The following NTRK1 variants were observed in gnomAD, a reference collection of about 807,000 sequenced individuals.
NTRK1 encodes the protein high affinity nerve growth factor receptor.
In NTRK1, 62 loss-of-function variants were observed where a neutral mutation model predicts 86.8. That is an observed-to-expected ratio of 0.71 (90% CI 0.58 to 0.88). The LOEUF (loss-of-function observed/expected upper bound fraction) is 0.88, where lower values mean the gene tolerates loss of function less well. NTRK1 is among the 40% of genes least tolerant of loss of function. The pLI is 0.00. For missense variants in NTRK1, 967 were observed against 1,078.4 expected, an observed-to-expected ratio of 0.90 and a Z score of 1.45; for synonymous variants, 469 against 456.6, an observed-to-expected ratio of 1.03 and a Z score of -0.35.
At chr1:156,865,090 T>A (rs1212647055) in intron 3 of NTRK1, 3 of 470,286 alleles carry the variant, frequency 6.4e-6, no homozygotes, top group African/African-American at 5.9e-5. Context: ...TACACACCAG[T>A]GCAAAGGGAG....
chr1:156,876,033 G>C, intron 12 of NTRK1, 47 bp from the exon 13 acceptor site: 1 of 1,613,954 alleles, frequency 6.2e-7, no homozygotes, highest in Non-Finnish European at 8.5e-7. Flanking sequence ...TACAACCCCA[G>C]CCCTCCCAAG....
Position 156,875,523 on chromosome 1 carries a change from C to T in NTRK1, c.1358C>T (p.Pro453Leu), listed in dbSNP as rs202108805. Residue 453 changes from proline to leucine, a missense_variant, in exon 12 of 17, where the codon CCG (proline) becomes CTG (leucine). Physicochemically the swap from Pro to Leu is moderately conservative, Grantham distance 98 (BLOSUM62 -3). Coordinates refer to ENST00000524377, the MANE Select transcript of NTRK1 (RefSeq NM_002529.4). Reference protein sequence around the residue: ...GRRNKFGINRPAVLAPEDGLA... With the variant: ...GRRNKFGINRLAVLAPEDGLA... ...TGCGGCTGTGTCTCCTCTCTAGGCC[C>T]GGCTGTGCTGGCTCCAGAGGATGGG... 58 of 1,613,784 alleles carry T rather than the reference C, an allele frequency of 3.6e-5. No individual in the cohort carries two copies. Among genetic ancestry groups the T allele is most frequent in the East Asian group, 3.6e-4 (16 of 44,870 alleles).
chr1:156,841,771 A>G, intron 1 of NTRK1: 1 of 1,614,076 alleles, frequency 6.2e-7, no homozygotes, highest in Non-Finnish European at 8.5e-7. Context: ...TCTGTCTCAT[A>G]CACGTCCCGA....
intron 7 of NTRK1, 54 bp from the exon 8 acceptor site, chr1:156,873,579 A>T (rs2102904436): frequency 6.7e-7 from 1 of 1,500,870 alleles, no homozygotes; most frequent in Non-Finnish European, 9.2e-7. Context: ...GGTGTGTGCC[A>T]GGCTCCCTCC....
intron 1 of NTRK1, among the ~76,000 whole-genome samples, chr1:156,835,228 G>A (rs919377858): frequency 1.3e-5 from 2 of 152,164 alleles, no homozygotes; most frequent in Non-Finnish European, 2.9e-5. Context: ...TGGAAGACAC[G>A]GTAGGGCTAC....
intron 1 of NTRK1, among the ~76,000 whole-genome samples, chr1:156,838,695 C>T (rs749932106): frequency 8.5e-5 from 13 of 152,256 alleles, no homozygotes; most frequent in Non-Finnish European, 1.5e-4. Context: ...ATTCTTCCCC[C>T]AGAAGTACTT....
chr1:156,849,502 G>GGGC, intron 2 of NTRK1: 2 of 934,048 alleles, frequency 2.1e-6, no homozygotes, highest in Non-Finnish European at 3.4e-6. Context: ...GGAGGTGGGG[G>GGGC]CAGGGGGTGG....
intron 8 of NTRK1, 138 bp from the exon 9 acceptor site, chr1:156,874,245 C>A (rs553139306): frequency 2.2e-6 from 3 of 1,341,164 alleles, no homozygotes; most frequent in Non-Finnish European, 3.2e-6. Context: ...TCCTTGAGGC[C>A]CAGCAGCCCA....
At chr1:156,841,472 C>A (rs767188615) in intron 1 of NTRK1, 2 of 1,614,018 alleles carry the variant, frequency 1.2e-6, no homozygotes, top group Non-Finnish European at 1.7e-6. Flanking sequence ...ATTGGACAGG[C>A]CCTGGTAGGG....
rs56185968 is a variant in NTRK1 at position 156,875,700 on chromosome 1, AGTGTGTGTGTGT to A, written c.1501+59_1501+70del. 25,250 of 1,386,860 alleles carry A rather than the reference AGTGTGTGTGTGT, an allele frequency of 0.018. 66 individuals are homozygous for A. The highest frequency in any genetic ancestry group is 0.022 in the Non-Finnish European group (22,335 of 1,006,870). 85.9% of individuals were successfully genotyped at this position (1,386,860 alleles called of 1,614,324 possible). A position where few individuals can be genotyped will look rare whatever the true frequency, so the allele number is the denominator to read the frequency against. ...CTATGCTGGGTCAAGGGCAGGGACG[AGTGTGTGTGTGT>A]GTGTGTGTGTGTGTGTGTGTGTGTA... On this transcript the variant is annotated intron_variant, in intron 12 of 16. Coordinates refer to ENST00000524377, the MANE Select transcript of NTRK1 (RefSeq NM_002529.4).
intron 1 of NTRK1, chr1:156,841,437 C>T (rs770233344): frequency 6.2e-7 from 1 of 1,613,986 alleles, no homozygotes; most frequent in South Asian, 1.1e-5. Flanking sequence ...ACCCCGCCAT[C>T]CATGACGAAC....
chr1:156,816,190 G>A, intron 1 of NTRK1: 7 of 1,487,660 alleles, frequency 4.7e-6, no homozygotes, highest in Non-Finnish European at 6.3e-6. Context: ...GATCTGGAGG[G>A]CTGGGACAGT....
chr1:156,855,372 T>G (rs1655374566), intron 2 of NTRK1, among the ~76,000 whole-genome samples: 2 of 152,110 alleles, frequency 1.3e-5, no homozygotes, highest in Non-Finnish European at 2.9e-5. Context: ...CCCAGCTAAT[T>G]TTTTGCATTT....
chr1:156,862,817 G>A (rs1457020609), intron 1 of NTRK1, among the ~76,000 whole-genome samples: 3 of 152,218 alleles, frequency 2.0e-5, no homozygotes, highest in Non-Finnish European at 1.5e-5. Context: ...GCAGGGGCTG[G>A]GGGGTGGGTA....
intron 2 of NTRK1, chr1:156,846,372 C>A (rs1029942237): frequency 3.5e-5 from 27 of 762,210 alleles, no homozygotes; most frequent in Non-Finnish European, 5.5e-5. Context: ...AAATGCTCCC[C>A]CTTCTTTCTA....
intron 2 of NTRK1, chr1:156,852,332 C>G: frequency 1.2e-6 from 1 of 812,804 alleles, no homozygotes; most frequent in South Asian, 2.0e-5. Flanking sequence ...CACTGGTTGC[C>G]GACTCTGTTC....
At position 156,860,917 on chromosome 1, in the gene NTRK1, G is replaced by T. The variant is rs537412353; in HGVS notation, c.-18G>T. On this transcript the variant is annotated 5_prime_UTR_variant, in exon 1 of 17. Coordinates refer to ENST00000524377, the MANE Select transcript of NTRK1 (RefSeq NM_002529.4). ...GCACAGACGGCTGCCCCGCCTGAGCGAGGCGGGCGCCGCCGCGATGCTGCG... is the reference window on the plus strand; with the variant it reads ...GCACAGACGGCTGCCCCGCCTGAGCTAGGCGGGCGCCGCCGCGATGCTGCG... The T allele has an allele frequency of 1.5e-5, 21 of 1,430,058 alleles. No homozygotes were observed. The highest frequency in any genetic ancestry group is 9.1e-5 in the South Asian group (6 of 66,162). 88.6% of individuals were successfully genotyped at this position (1,430,058 alleles called of 1,614,324 possible).
intron 1 of NTRK1, among the ~76,000 whole-genome samples, chr1:156,829,716 G>A (rs1387986551): frequency 6.6e-6 from 1 of 152,074 alleles, no homozygotes; most frequent in Non-Finnish European, 1.5e-5. Context: ...GCAGTGGCAC[G>A]ATCTCGGCTC....
At chr1:156,849,017 T>G in intron 2 of NTRK1, 1 of 1,613,464 alleles carries the variant, frequency 6.2e-7, no homozygotes, top group Admixed American at 1.7e-5. Context: ...CTCCGTCACG[T>G]TGGACACGAA....
Sources: allele counts gnomAD v4.1 joint callset (sites outside exome capture counted in the v4.1 genomes callset), GRCh38; gene constraint gnomAD v4.1.1; transcripts MANE v1.5; gene names NCBI Gene and HGNC (gene_info 2026-07-23, HGNC 2026-07-21).